CKAP4: variants seen among roughly 807,000 people sequenced by gnomAD.
CKAP4 encodes the protein cytoskeleton-associated protein 4.
In CKAP4, 20 loss-of-function variants were observed where a neutral mutation model predicts 24.4. The ratio of observed to expected loss-of-function variants is 0.82; its 90% CI spans 0.58 to 1.19. The LOEUF is 1.19. Among genes scored for constraint, CKAP4 ranks in the 50% most tolerant of loss-of-function variants. CKAP4 has a pLI of 0.00. For synonymous variants in CKAP4, 378 were observed against 351.7 expected (o/e 1.07, Z -0.84); for missense variants, 744 against 765.3 (o/e 0.97, Z 0.33).
In CKAP4 at chr12:106,240,040, CCTT is replaced by C. The variant is rs781761637; in HGVS notation, c.790_792del (p.Lys264del). On this transcript the variant is annotated inframe_deletion, in exon 2 of 2. Transcript: ENST00000378026. ...ACCTTTGCCTTCATGTCATTGATCT[CCTT>C]CTGGCTCCTCTTCTGGACTTCTGTG... 6.8e-6 allele frequency: 11 copies of C among 1,614,150 alleles called. No individual in the cohort carries two copies. The highest frequency in any genetic ancestry group is 4.2e-6 in the Non-Finnish European group (5 of 1,180,022).
Position 106,240,019 on chromosome 12 carries a change from T to C in CKAP4, c.814A>G (p.Lys272Glu). The change falls in exon 2 of 2, where the codon AAG becomes GAG. Residue 272 changes from lysine to glutamate, a missense_variant. Lys to Glu is a moderately conservative substitution (Grantham distance 56). Transcript: ENST00000378026. The stretch of plus-strand genomic sequence containing the variant: ...TCAGATTCTTCCAGGGAGGCAACCT[T>C]TGCCTTCATGTCATTGATCTCCTTC... ...SQKEINDMKA[K>E]VASLEESEGN... The C allele has an allele frequency of 6.2e-7, 1 of 1,614,168 alleles. No individual in the cohort carries two copies. Among genetic ancestry groups the C allele is most frequent in the Non-Finnish European group, 8.5e-7 (1 of 1,180,036 alleles).
Position 106,239,305 on chromosome 12 carries a change from C to G in CKAP4, c.1528G>C (p.Val510Leu), listed in dbSNP as rs760116383. The change falls in exon 2 of 2, where the codon GTG becomes CTG. Residue 510 changes from valine to leucine, a missense_variant. By Grantham distance (32) the Val-to-Leu change is conservative (BLOSUM62 1). Coordinates refer to ENST00000378026, the MANE Select transcript of CKAP4 (RefSeq NM_006825.4). This position sits in a 1 kb window ranked among gnomAD's most constrained non-coding sequence, Gnocchi z 4.9. ...VESLQKVQEQVHTLLSQDQAQ... is the reference protein window; with the variant it reads ...VESLQKVQEQLHTLLSQDQAQ... Reference sequence around the variant, plus strand: ...TGGTCCTGACTGAGCAGCGTGTGCACCTGCTCCTGCACCTTCTGGAGTGAT... The same window carrying G: ...TGGTCCTGACTGAGCAGCGTGTGCAGCTGCTCCTGCACCTTCTGGAGTGAT... 4 of 1,610,892 alleles carry G rather than the reference C, an allele frequency of 2.5e-6. No homozygotes were observed. In the South Asian group the frequency reaches 3.3e-5, roughly 13 times the overall value.
intron 1 of CKAP4, among the ~76,000 whole-genome samples, chr12:106,242,391 G>A (rs770531628): frequency 6.6e-6 from 1 of 152,192 alleles, no homozygotes; most frequent in Non-Finnish European, 1.5e-5. Context: ...AGTGGGATGT[G>A]AACAACATCC....
Position 106,238,948 on chromosome 12 carries a change from C to T in CKAP4, c.*76G>A. The T allele has an allele frequency of 1.3e-6, 2 of 1,522,830 alleles. No homozygotes were observed. Among genetic ancestry groups the T allele is most frequent in the East Asian group, 2.3e-5 (1 of 44,240 alleles). The allele number at this position is 1,522,830 out of a possible 1,614,324, so 94.3% of individuals were successfully genotyped here. A position where few individuals can be genotyped will look rare whatever the true frequency, so the allele number is the denominator to read the frequency against. On this transcript the variant is annotated 3_prime_UTR_variant, in exon 2 of 2. Transcript: ENST00000378026. ...GGACAAGAAATTGGGGGGTAGGGGACACATGGGAAAAAACCACACATTTTT... is the reference window on the plus strand; with the variant it reads ...GGACAAGAAATTGGGGGGTAGGGGATACATGGGAAAAAACCACACATTTTT...
At chr12:106,240,410 CTT>C in intron 1 of CKAP4, 61 bp from the exon 2 acceptor site, 1 of 1,532,160 alleles carries the variant, frequency 6.5e-7, no homozygotes, top group South Asian at 1.3e-5. Flanking sequence ...CATGATACAA[CTT>C]TTTTTGTCTG....
chr12:106,239,591 C>A lies in CKAP4; in HGVS notation c.1242G>T (p.Gln414His), dbSNP rs779688807. ...QKSQGLDSRL[Q>H]HVEDGVLSMQ... ...TGGAGAGCACCCCATCCTCCACGTG[C>A]TGGAGCCTGGAGTCCAGTCCCTGAC... The change falls in exon 2 of 2, where the codon CAG becomes CAT. Residue 414 changes from glutamine to histidine, a missense_variant. Around this residue, in one of 3 missense-constraint regions of CKAP4, gnomAD observed 401 missense variants for 424.5 expected, o/e 0.94. Coordinates refer to ENST00000378026, the MANE Select transcript of CKAP4 (RefSeq NM_006825.4). The surrounding 1 kb of genome is among the most constrained non-coding windows in gnomAD (Gnocchi z 4.9). The A allele has an allele frequency of 1.1e-5, 18 of 1,614,130 alleles. No homozygotes were observed. Among genetic ancestry groups the A allele is most frequent in the Non-Finnish European group, 1.4e-5 (17 of 1,180,022 alleles).
At chr12:106,246,295 G>A (rs1026490581) in intron 1 of CKAP4, among the ~76,000 whole-genome samples, 4 of 152,062 alleles carry the variant, frequency 2.6e-5, no homozygotes, top group African/African-American at 7.3e-5. Context: ...TTCTGCTCTG[G>A]GAAATGAAAT....
In CKAP4 at chr12:106,240,077, G is replaced by A. The variant is rs369547770; in HGVS notation, c.756C>T (p.Ile252=). The change falls in exon 2 of 2, where the codon ATC becomes ATT. Residue 252 remains isoleucine, a synonymous_variant. Coordinates refer to ENST00000378026, the MANE Select transcript of CKAP4 (RefSeq NM_006825.4). The stretch of plus-strand genomic sequence containing the variant: ...TCTTCTGGACTTCTGTGAAGATGGC[G>A]ATGTTGTCGTTGATGGATTTGGTGA... ...TELTKSINDN[I]AIFTEVQKRS... is the part of the protein sequence containing the mutation. 1.8e-5 allele frequency: 29 copies of A among 1,614,128 alleles called. No homozygotes were observed. The highest frequency in any genetic ancestry group is 4.4e-5 in the South Asian group (4 of 91,076).
At position 106,247,792 on chromosome 12, in the gene CKAP4, C is replaced by T. The variant is rs1222188345; in HGVS notation, c.60G>A (p.Glu20=). 3 of 1,053,038 alleles carry T rather than the reference C, an allele frequency of 2.8e-6. No individual in the cohort carries two copies. The East Asian group carries it at 2.3e-4, about 81-fold the overall frequency. The allele number at this position is 1,053,038 out of a possible 1,614,324, so 65.2% of individuals were successfully genotyped here. ...KGGHGAASPS[E]KGAHPSGGAD... The stretch of plus-strand genomic sequence containing the variant: ...CGCCGCCCGACGGGTGGGCACCCTT[C>T]TCCGAGGGGCTCGCGGCGCCGTGGC... The change falls in exon 1 of 2, where the codon GAG becomes GAA. Residue 20 remains glutamate (E), a synonymous_variant. Transcript: ENST00000378026. The surrounding 1 kb of genome is among the most constrained non-coding windows in gnomAD (Gnocchi z 4.5).
Position 106,239,762 on chromosome 12 carries a change from G to A in CKAP4, c.1071C>T (p.Leu357=). The A allele has an allele frequency of 6.2e-7, 1 of 1,613,856 alleles. No homozygotes were observed. Among genetic ancestry groups the A allele is most frequent in the Non-Finnish European group, 8.5e-7 (1 of 1,179,960 alleles). The change falls in exon 2 of 2, where the codon CTC becomes CTT. Residue 357 remains leucine, a synonymous_variant. Transcript: ENST00000378026. This position sits in a 1 kb window ranked among gnomAD's most constrained non-coding sequence, Gnocchi z 4.9. The part of the protein sequence containing the change: ...LALQALTEKL[L]RSEESVSRLP... ...GGCGGGAGACGGACTCCTCAGACCT[G>A]AGAAGCTTCTCCGTGAGGGCCTGCA... is the stretch of plus-strand genomic sequence containing the variant.
chr12:106,242,067 T>G (rs760319248), intron 1 of CKAP4, among the ~76,000 whole-genome samples: 2 of 152,226 alleles, frequency 1.3e-5, no homozygotes, highest in Non-Finnish European at 2.9e-5. Flanking sequence ...GGAGCCAGAC[T>G]GCCTAGGTTC....
chr12:106,247,957 G>A lies in CKAP4; in HGVS notation c.-106C>T. ...CCCCGGGACTGGGCGAGCGGCACGC[G>A]GGCGCTGCTGGCGTCGGAGCGGCGA... On this transcript the variant is annotated 5_prime_UTR_variant, in exon 1 of 2. Transcript: ENST00000378026. This position sits in a 1 kb window ranked among gnomAD's most constrained non-coding sequence, Gnocchi z 4.5. 1 of 697,514 alleles carries A rather than the reference G, an allele frequency of 1.4e-6. No individual in the cohort carries two copies. The highest frequency in any genetic ancestry group is 1.8e-6 in the Non-Finnish European group (1 of 563,698). 43.2% of individuals were successfully genotyped at this position (697,514 alleles called of 1,614,324 possible). A position where few individuals can be genotyped will look rare whatever the true frequency, so the allele number is the denominator to read the frequency against.
In CKAP4 at chr12:106,239,813, C is replaced by T. The variant is rs749961461; in HGVS notation, c.1020G>A (p.Glu340=). The change falls in exon 2 of 2, where the codon GAG becomes GAA. Residue 340 remains glutamate, a synonymous_variant. Transcript: ENST00000378026. This position sits in a 1 kb window ranked among gnomAD's most constrained non-coding sequence, Gnocchi z 4.9. The part of the protein sequence containing the change: ...SLKQEQQAFK[E]AADTERLALQ... Reference sequence around the variant, plus strand: ...GGGCGAGCCGCTCCGTGTCGGCCGCCTCCTTGAAAGCCTGCTGCTCCTGCT... The same window carrying T: ...GGGCGAGCCGCTCCGTGTCGGCCGCTTCCTTGAAAGCCTGCTGCTCCTGCT... 1 of 1,614,112 alleles carries T rather than the reference C, an allele frequency of 6.2e-7. No homozygotes were observed. The highest frequency in any genetic ancestry group is 8.5e-7 in the Non-Finnish European group (1 of 1,180,008).
Position 106,238,905 on chromosome 12 carries a change from C to A in CKAP4, c.*119G>T, listed in dbSNP as rs1177822880. 9.5e-7 allele frequency: 1 copy of A among 1,050,040 alleles called. No homozygotes were observed. The highest frequency in any genetic ancestry group is 2.1e-5 in the Admixed American group (1 of 48,090). The allele number at this position is 1,050,040 out of a possible 1,614,324, so 65.0% of individuals were successfully genotyped here. A position where few individuals can be genotyped will look rare whatever the true frequency, so the allele number is the denominator to read the frequency against. On this transcript the variant is annotated 3_prime_UTR_variant, in exon 2 of 2. Transcript: ENST00000378026. ...CAATGCCTTGGTGTTCAGGTGGTGA[C>A]AACTGCTCTTTAAGAGGGGACAAGA...
At position 106,237,990 on chromosome 12, in the gene CKAP4, G is replaced by T. The variant is rs1341866513; in HGVS notation, c.*1034C>A. ...CTTTTTTTTTTTTTTTTTACTTTTC[G>T]GGTTTTTTTTTTTTTTTTTTTTTCA... On this transcript the variant is annotated 3_prime_UTR_variant, in exon 2 of 2. Transcript: ENST00000378026. The T allele has an allele frequency of 2.1e-4, 16 of 77,256 alleles. No individual in the cohort carries two copies. The highest frequency in any genetic ancestry group is 6.8e-4 in the East Asian group (2 of 2,940). 4.8% of individuals were successfully genotyped at this position (77,256 alleles called of 1,614,324 possible). A position where few individuals can be genotyped will look rare whatever the true frequency, so the allele number is the denominator to read the frequency against.
At chr12:106,240,405 TACA>T in intron 1 of CKAP4, 56 bp from the exon 2 acceptor site, 1 of 1,542,506 alleles carries the variant, frequency 6.5e-7, no homozygotes, top group Non-Finnish European at 8.7e-7. Flanking sequence ...TTTCACATGA[TACA>T]ACTTTTTTTG....
Position 106,240,016 on chromosome 12 carries a change from C to A in CKAP4, c.817G>T (p.Val273Phe), listed in dbSNP as rs921094257. The change falls in exon 2 of 2, where the codon GTT (valine) becomes TTT (phenylalanine). Residue 273 changes from valine (V) to phenylalanine (F), a missense_variant. Val to Phe is a conservative substitution (Grantham distance 50). This residue lies in a region of CKAP4 where 401 missense variants were observed against 424.5 expected (regional missense o/e 0.94). Coordinates refer to ENST00000378026, the MANE Select transcript of CKAP4 (RefSeq NM_006825.4). ...CCCTCAGATTCTTCCAGGGAGGCAACCTTTGCCTTCATGTCATTGATCTCC... is the reference window on the plus strand; with the variant it reads ...CCCTCAGATTCTTCCAGGGAGGCAAACTTTGCCTTCATGTCATTGATCTCC... ...QKEINDMKAK[V>F]ASLEESEGNK... 6.2e-7 allele frequency: 1 copy of A among 1,614,142 alleles called. No individual in the cohort carries two copies. Among genetic ancestry groups the A allele is most frequent in the Non-Finnish European group, 8.5e-7 (1 of 1,180,040 alleles).
rs777617893 is a variant in CKAP4 at position 106,239,980 on chromosome 12, C to T, written c.853G>A (p.Asp285Asn). Reference protein sequence around the residue: ...SLEESEGNKQDLKALKEAVKE... With the variant: ...SLEESEGNKQNLKALKEAVKE... ...ACAGCTTCCTTTAAGGCTTTCAAATCCTGCTTGTTCCCCTCAGATTCTTCC... is the reference window on the plus strand; with the variant it reads ...ACAGCTTCCTTTAAGGCTTTCAAATTCTGCTTGTTCCCCTCAGATTCTTCC... The change falls in exon 2 of 2, where the codon GAT becomes AAT. Residue 285 changes from aspartate (D) to asparagine (N), a missense_variant. Coordinates refer to ENST00000378026, the MANE Select transcript of CKAP4 (RefSeq NM_006825.4). This position sits in a 1 kb window ranked among gnomAD's most constrained non-coding sequence, Gnocchi z 4.9. 6.2e-7 allele frequency: 1 copy of T among 1,614,154 alleles called. No homozygotes were observed. The highest frequency in any genetic ancestry group is 8.5e-7 in the Non-Finnish European group (1 of 1,180,026).
At position 106,239,116 on chromosome 12, in the gene CKAP4, T is replaced by C; in HGVS notation, c.1717A>G (p.Asn573Asp). The C allele has an allele frequency of 1.9e-6, 3 of 1,614,058 alleles. No homozygotes were observed. Among genetic ancestry groups the C allele is most frequent in the Non-Finnish European group, 2.5e-6 (3 of 1,180,034 alleles). Residue 573 changes from asparagine (N) to aspartate (D), a missense_variant, in exon 2 of 2, where the codon AAT becomes GAT. Physicochemically the swap from Asn to Asp is conservative, Grantham distance 23. Coordinates refer to ENST00000378026, the MANE Select transcript of CKAP4 (RefSeq NM_006825.4). This position sits in a 1 kb window ranked among gnomAD's most constrained non-coding sequence, Gnocchi z 4.9. ...YSVKIETNENNLESAKGLLDD... is the reference protein window; with the variant it reads ...YSVKIETNENDLESAKGLLDD... The stretch of plus-strand genomic sequence containing the variant: ...AGTAAACCCTTGGCTGATTCCAGAT[T>C]GTTCTCGTTGGTTTCTATTTTGACC...
Sources: allele counts gnomAD v4.1 joint callset (sites outside exome capture counted in the v4.1 genomes callset), GRCh38; gene constraint gnomAD v4.1.1; regional missense constraint gnomAD v4.1.1; non-coding constraint Gnocchi (gnomAD v3.1); transcripts MANE v1.5; gene names NCBI Gene and HGNC (gene_info 2026-07-23, HGNC 2026-07-21).